Variants in PTGIR observed in about 807,000 individuals in gnomAD.
PTGIR encodes the protein prostaglandin I2 receptor, also known as prostacyclin receptor.
PTGIR carries 16 observed loss-of-function variants against 17.6 expected under a neutral mutation model. That is an observed-to-expected ratio of 0.91 (90% confidence interval 0.61 to 1.38). The LOEUF (loss-of-function observed/expected upper bound fraction) is 1.38, where lower values mean the gene tolerates loss of function less well. PTGIR is among the 40% of genes most tolerant of loss of function. The pLI, the probability that PTGIR is intolerant of heterozygous loss-of-function variation, is 0.00. For missense variants in PTGIR, 532 were observed against 548.6 expected (o/e 0.97, Z 0.30); for synonymous variants, 274 against 255.4 (o/e 1.07, Z -0.69).
At chr19:46,622,579 A>C in intron 2 of PTGIR, 1 of 175,174 alleles carries the variant, frequency 5.7e-6, no homozygotes, top group Non-Finnish European at 1.1e-5. Context: ...GCATTTCATC[A>C]TGGGGGGCTC....
the PTGIR span, among the ~76,000 whole-genome samples, chr19:46,613,090 C>T: frequency 8.9e-6 from 1 of 112,312 alleles, no homozygotes; most frequent in Non-Finnish European, 1.6e-5. Flanking sequence ...GTCTCCCAGG[C>T]TGGAGTGCAA....
At position 46,621,023 on chromosome 19, in the gene PTGIR, G is replaced by C; in HGVS notation, c.*257C>G. On this transcript the variant is annotated 3_prime_UTR_variant, in exon 3 of 3. Transcript: ENST00000291294. This position sits in a 1 kb window ranked among gnomAD's most constrained non-coding sequence, Gnocchi z 4.8. The stretch of plus-strand genomic sequence containing the variant: ...ACAATGAGATGGATGGGGAATCCAG[G>C]GCCAGAGCAGGTCGGCCAGGCCACT... 8.4e-7 allele frequency: 1 copy of C among 1,189,086 alleles called. No individual in the cohort carries two copies. The highest frequency in any genetic ancestry group is 1.0e-6 in the Non-Finnish European group (1 of 960,346). 73.7% of individuals were successfully genotyped at this position (1,189,086 alleles called of 1,614,324 possible). A position where few individuals can be genotyped will look rare whatever the true frequency, so the allele number is the denominator to read the frequency against.
At position 46,624,086 on chromosome 19, in the gene PTGIR, G is replaced by T. The variant is rs968078106; in HGVS notation, c.140C>A (p.Ser47Ter). 1.3e-6 allele frequency: 2 copies of T among 1,541,512 alleles called. No homozygotes were observed. The highest frequency in any genetic ancestry group is 1.2e-5 in the South Asian group (1 of 84,080). Residue 47 changes from serine to a stop codon, truncating the protein, a stop_gained, in exon 2 of 3, where the codon TCG (serine) becomes TAG (stop). Transcript: ENST00000291294. LOFTEE classifies it high-confidence loss of function. ...TCCGGTCACCAGCACCGCGAAGGCC[G>T]AGGGGCGCGCCGGTCGCCGTGCGCT... ...ILSARRPARP[S>*]AFAVLVTGLA...
In PTGIR at chr19:46,621,305, G is replaced by C; in HGVS notation, c.1136C>G (p.Ala379Gly). Residue 379 changes from alanine to glycine, a missense_variant, in exon 3 of 3, where the codon GCC becomes GGC. Coordinates refer to ENST00000291294, the MANE Select transcript of PTGIR (RefSeq NM_000960.4). This position sits in a 1 kb window ranked among gnomAD's most constrained non-coding sequence, Gnocchi z 4.8. Reference sequence around the variant, plus strand: ...TCAGCAGAGGGAGCAGGCGACGCTGGCTTCTGCTTTGGACGACGTTCCCAC... The same window carrying C: ...TCAGCAGAGGGAGCAGGCGACGCTGCCTTCTGCTTTGGACGACGTTCCCAC... ...SAVGTSSKAE[A>G]SVACSLC 1 of 1,516,056 alleles carries C rather than the reference G, an allele frequency of 6.6e-7. No homozygotes were observed. Among genetic ancestry groups the C allele is most frequent in the Non-Finnish European group, 8.8e-7 (1 of 1,131,734 alleles). The allele number at this position is 1,516,056 out of a possible 1,614,324, so 93.9% of individuals were successfully genotyped here.
Position 46,623,479 on chromosome 19 carries a change from G to A in PTGIR, c.747C>T (p.Ala249=), listed in dbSNP as rs1568679612. 5 of 1,570,266 alleles carry A rather than the reference G, an allele frequency of 3.2e-6. 1 individual carries two copies. Among genetic ancestry groups the A allele is most frequent in the South Asian group, 2.3e-5 (2 of 85,540 alleles). The change falls in exon 2 of 3, where the codon GCC becomes GCT. Residue 249 remains alanine (A), a synonymous_variant. Transcript: ENST00000291294. The stretch of plus-strand genomic sequence containing the variant: ...TCACCGTGAGAGGCAGGGAGCACAC[G>A]GCCATGACCACTGTCATGAGGGCCA... ...ILLALMTVVM[A]VCSLPLTIRC...
chr19:46,624,344 C>T, intron 1 of PTGIR, 107 bp from the exon 2 acceptor site: 1 of 1,058,984 alleles, frequency 9.4e-7, no homozygotes, highest in Non-Finnish European at 1.3e-6. Context: ...TGGGGCCTCC[C>T]AGCCAACCCC....
chr19:46,615,074 A>G, the PTGIR span, among the ~76,000 whole-genome samples: 1,996 of 152,176 alleles, frequency 0.013, 36 homozygotes, highest in Non-Finnish European at 0.021. Flanking sequence ...CTATAATCTC[A>G]GCTAGTCGAG....
At chr19:46,622,422 C>T in intron 2 of PTGIR, 1 of 981,336 alleles carries the variant, frequency 1.0e-6, no homozygotes, top group Non-Finnish European at 1.2e-6. Context: ...TCTTGGTTTC[C>T]TGCCAAATAC....
chr19:46,622,220 G>A, intron 2 of PTGIR: 1 of 985,418 alleles, frequency 1.0e-6, no homozygotes, highest in Non-Finnish European at 1.2e-6. Flanking sequence ...ATTGGGGAGG[G>A]GCAGGACGGG....
the PTGIR span, among the ~76,000 whole-genome samples, chr19:46,613,099 A>T: frequency 3.3e-5 from 4 of 121,376 alleles, no homozygotes; most frequent in South Asian, 8.1e-4. Context: ...GCTGGAGTGC[A>T]ATGGCATGAT....
the PTGIR span, among the ~76,000 whole-genome samples, chr19:46,611,702 T>C: frequency 2.0e-5 from 3 of 152,064 alleles, no homozygotes; most frequent in Non-Finnish European, 4.4e-5. Flanking sequence ...ATGCCAAGAG[T>C]TTGAGACCAG....
the PTGIR span, among the ~76,000 whole-genome samples, chr19:46,614,881 C>A: frequency 1.3e-5 from 2 of 152,158 alleles, no homozygotes; most frequent in African/African-American, 4.8e-5. Context: ...ATTAGCCAGG[C>A]GGTAGTGGTG....
Position 46,624,168 on chromosome 19 carries a change from T to C in PTGIR, c.58A>G (p.Ser20Gly), listed in dbSNP as rs1173054837. 6.0e-6 allele frequency: 9 copies of C among 1,502,240 alleles called. No individual in the cohort carries two copies. The highest frequency in any genetic ancestry group is 7.1e-6 in the Non-Finnish European group (8 of 1,133,582). The allele number at this position is 1,502,240 out of a possible 1,614,324, so 93.1% of individuals were successfully genotyped here. The change falls in exon 2 of 3, where the codon AGC (serine) becomes GGC (glycine). Residue 20 changes from serine (S) to glycine (G), a missense_variant. Coordinates refer to ENST00000291294, the MANE Select transcript of PTGIR (RefSeq NM_000960.4). ...ACACCGGCCACGAACATCAGGGTGC[T>C]GGTGGCCGGCCCCACCGAGCCCCGC... Reference protein sequence around the residue: ...YVRGSVGPATSTLMFVAGVVG... With the variant: ...YVRGSVGPATGTLMFVAGVVG...
rs200590943 is a variant in PTGIR, at chr19:46,623,820, C to A, written c.406G>T (p.Ala136Ser). The A allele has an allele frequency of 4.4e-6, 7 of 1,606,518 alleles. 1 individual carries two copies. In the South Asian group the frequency reaches 6.6e-5, roughly 15 times the overall value. ...TAGATGGCTGGCAGCGCCAGGCGGG[C>A]GCAGCGGGGCCCGTCCAGCTGCGCG... ...LYAQLDGPRCARLALPAIYAF... is the reference protein window; with the variant it reads ...LYAQLDGPRCSRLALPAIYAF... The change falls in exon 2 of 3, where the codon GCC becomes TCC. Residue 136 changes from alanine (A) to serine (S), a missense_variant. By Grantham distance (99) the Ala-to-Ser change is moderately conservative. Transcript: ENST00000291294.
At chr19:46,619,577 G>GAAA (rs1568675666), downstream of PTGIR, among the ~76,000 whole-genome samples, 3,645 of 104,584 alleles carry the variant, frequency 0.035, 162 homozygotes, top group Middle Eastern at 0.064. Context: ...GAGAGAGAGA[G>GAAA]AGAGAGAAAG....
downstream of PTGIR, among the ~76,000 whole-genome samples, chr19:46,617,502 C>T (rs1599766886): frequency 6.6e-6 from 1 of 152,176 alleles, no homozygotes; most frequent in East Asian, 1.9e-4. Flanking sequence ...CACAGAACCC[C>T]AGCTTCTACG....
Position 46,624,129 on chromosome 19 carries a change from G to A in PTGIR, c.97C>T (p.Leu33=), listed in dbSNP as rs1446797214. The A allele has an allele frequency of 6.5e-7, 1 of 1,536,786 alleles. No homozygotes were observed. The highest frequency in any genetic ancestry group is 8.7e-7 in the Non-Finnish European group (1 of 1,148,290). Residue 33 remains leucine (L), a synonymous_variant, in exon 2 of 3, where the codon CTG becomes TTG. Transcript: ENST00000291294. ...CGTGCGCTCAGGATGCCCAGGGCCAGCCCGTTGCCCACCACACCGGCCACG... is the reference window on the plus strand; with the variant it reads ...CGTGCGCTCAGGATGCCCAGGGCCAACCCGTTGCCCACCACACCGGCCACG... ...MFVAGVVGNG[L]ALGILSARRP...
chr19:46,616,260 T>C (rs1971960215), downstream of PTGIR, among the ~76,000 whole-genome samples: 1 of 147,422 alleles, frequency 6.8e-6, no homozygotes, highest in East Asian at 2.0e-4. Context: ...AGTTAATGAA[T>C]ATACAGGAGG....
chr19:46,617,119 C>G (rs1454219551), downstream of PTGIR, among the ~76,000 whole-genome samples: 3 of 152,242 alleles, frequency 2.0e-5, no homozygotes, highest in East Asian at 5.8e-4. Flanking sequence ...GTCACGGCCT[C>G]TTTGAGGAAA....
Sources: gnomAD v4.1 joint callset for allele counts (sites outside exome capture counted in the v4.1 genomes callset) on GRCh38, gnomAD v4.1.1 for gene constraint, Gnocchi (gnomAD v3.1) non-coding constraint, MANE v1.5 for transcripts, NCBI Gene and HGNC (gene_info 2026-07-23, HGNC 2026-07-21) for gene names.